The following PACRGL variants were observed in gnomAD, a reference collection of about 807,000 sequenced individuals.
PACRGL encodes the protein PACRG-like protein.
In PACRGL, 38 loss-of-function variants were observed where a neutral mutation model predicts 34.5. The observed-to-expected ratio is 1.10, with a 90% confidence interval of 0.85 to 1.44. The LOEUF (loss-of-function observed/expected upper bound fraction) is 1.44. PACRGL is among the 40% of genes most tolerant of loss of function. PACRGL has a pLI of 0.00. For synonymous variants in PACRGL, 128 were observed against 100.1 expected, an observed-to-expected ratio of 1.28 and a Z score of -1.66; for missense variants, 305 against 281.4, an observed-to-expected ratio of 1.08 and a Z score of -0.60.
chr4:20,701,597 A>G (rs1732186021), intron 1 of PACRGL: 3 of 284,080 alleles, frequency 1.1e-5, no homozygotes, highest in African/African-American at 4.4e-5. Context: ...AAGGGTTACC[A>G]AGGATAAGAT....
intron 8 of PACRGL, among the ~76,000 whole-genome samples, chr4:20,748,253 TTGA>T (rs1421033909): frequency 6.6e-6 from 1 of 152,114 alleles, no homozygotes; most frequent in Non-Finnish European, 1.5e-5. Flanking sequence ...TTCTATCTTC[TTGA>T]TGATTTACAC....
intron 7 of PACRGL, among the ~76,000 whole-genome samples, chr4:20,715,411 C>T (rs1252058331): frequency 2.0e-5 from 3 of 151,784 alleles, no homozygotes. Context: ...TACCCTAAAA[C>T]TTAAAGTATA....
intron 8 of PACRGL, among the ~76,000 whole-genome samples, chr4:20,743,680 TAGGCAATACCATTC>T (rs1751720212): frequency 6.6e-6 from 1 of 152,086 alleles, no homozygotes; most frequent in South Asian, 2.1e-4. Context: ...GAAGAAAACC[TAGGCAATACCATTC>T]AGGACATAGG....
rs1737964084 is a variant in PACRGL, at chr4:20,712,851, T to C, written c.430T>C (p.Leu144=). 2.5e-6 allele frequency: 4 copies of C among 1,605,354 alleles called. No individual in the cohort carries two copies. Among genetic ancestry groups the C allele is most frequent in the African/African-American group, 2.7e-5 (2 of 74,796 alleles). Residue 144 remains leucine (L), a synonymous_variant, in exon 6 of 9, where the codon TTG becomes CTG. Transcript: ENST00000503585. ...VSKEGFRELL[L]VKGAPEKAIP... is the part of the protein sequence containing the mutation. ...AAAGGAGGGTTTTAGAGAATTACTT[T>C]TGGTCAAAGGTGCTCCTGAAAAAGC...
intron 3 of PACRGL, among the ~76,000 whole-genome samples, chr4:20,707,365 C>T (rs533537901): frequency 1.2e-4 from 18 of 152,284 alleles, no homozygotes; most frequent in South Asian, 4.1e-4. Flanking sequence ...TCCTGCCCAG[C>T]GCAATCCTTT....
In PACRGL at chr4:20,712,939, A is replaced by G; in HGVS notation, c.501+17A>G. ...GCAGCTCTGGTATGTCATTTATTTC[A>G]TTGTACTTTATATTTGAAAACATGA... On this transcript the variant is annotated intron_variant, in intron 6 of 8. Transcript: ENST00000503585. 1 of 1,500,874 alleles carries G rather than the reference A, an allele frequency of 6.7e-7. No homozygotes were observed. Among genetic ancestry groups the G allele is most frequent in the South Asian group, 1.4e-5 (1 of 73,274 alleles). The allele number at this position is 1,500,874 out of a possible 1,614,324, so 93.0% of individuals were successfully genotyped here.
intron 8 of PACRGL, among the ~76,000 whole-genome samples, chr4:20,726,086 C>T (rs971450609): frequency 2.0e-5 from 3 of 152,026 alleles, no homozygotes; most frequent in African/African-American, 7.2e-5. Flanking sequence ...GGTGATTTTC[C>T]ATATCCTGTG....
chr4:20,720,570 G>T (rs557241496), intron 7 of PACRGL, among the ~76,000 whole-genome samples: 3 of 152,060 alleles, frequency 2.0e-5, no homozygotes, highest in South Asian at 2.1e-4. Context: ...GATTTTATTT[G>T]TCCTTCGCTT....
At chr4:20,762,501 G>T in the PACRGL span, among the ~76,000 whole-genome samples, 71 of 152,306 alleles carry the variant, frequency 4.7e-4, no homozygotes, top group African/African-American at 1.6e-3. Context: ...GTGAGAAAAA[G>T]ATGCTAGTGA....
the PACRGL span, among the ~76,000 whole-genome samples, chr4:20,764,619 C>T: frequency 5.9e-4 from 89 of 151,554 alleles, 1 homozygote; most frequent in East Asian, 0.014. Context: ...GTGCTGCCAC[C>T]GCAGCTTTAT....
In PACRGL at chr4:20,704,505, A is replaced by G. The variant is rs1225372504; in HGVS notation, c.24A>G (p.Gly8=). The change falls in exon 2 of 9, where the codon GGA becomes GGG. Residue 8 remains glycine (G), a synonymous_variant. Transcript: ENST00000503585. ...CAATGCAGAAATCAGAGGGCTCTGGAGGTACACAGTTGAAAAACAGAGCAA... is the reference window on the plus strand; with the variant it reads ...CAATGCAGAAATCAGAGGGCTCTGGGGGTACACAGTTGAAAAACAGAGCAA... MQKSEGS[G]GTQLKNRATG... The G allele has an allele frequency of 1.4e-5, 22 of 1,613,818 alleles. No individual in the cohort carries two copies. Among genetic ancestry groups the G allele is most frequent in the Non-Finnish European group, 1.8e-5 (21 of 1,179,958 alleles).
the PACRGL span, among the ~76,000 whole-genome samples, chr4:20,764,707 C>CACA: frequency 6.6e-6 from 1 of 151,312 alleles, no homozygotes; most frequent in Non-Finnish European, 1.5e-5. Context: ...CACACACACA[C>CACA]AACCCCATGA....
downstream of PACRGL, chr4:20,734,643 G>C (rs752317060): frequency 1.3e-6 from 2 of 1,535,768 alleles, no homozygotes; most frequent in Non-Finnish European, 8.9e-7. Context: ...TAGTGATGTA[G>C]CCATCTTTAT....
At chr4:20,742,368 C>G (rs1352244881) in intron 8 of PACRGL, among the ~76,000 whole-genome samples, 1 of 152,112 alleles carries the variant, frequency 6.6e-6, no homozygotes, top group Non-Finnish European at 1.5e-5. Flanking sequence ...GCTTATCCAC[C>G]ACTATCATTT....
the PACRGL span, among the ~76,000 whole-genome samples, chr4:20,765,108 A>T: frequency 6.6e-6 from 1 of 152,194 alleles, no homozygotes; most frequent in East Asian, 1.9e-4. Flanking sequence ...AAGTGTCAGC[A>T]AATAGTTCAT....
chr4:20,759,914 C>T, the PACRGL span, among the ~76,000 whole-genome samples: 342 of 152,220 alleles, frequency 2.2e-3, 7 homozygotes, highest in South Asian at 0.044. Flanking sequence ...AGGACCACCG[C>T]GGATACCAAA....
At chr4:20,702,371 C>G (rs1417910779) in intron 1 of PACRGL, 1 of 354,816 alleles carries the variant, frequency 2.8e-6, no homozygotes. Flanking sequence ...CTCAGCTGGT[C>G]TTCAAATTGA....
chr4:20,716,868 C>G (rs769959738), intron 7 of PACRGL, among the ~76,000 whole-genome samples: 1 of 152,206 alleles, frequency 6.6e-6, no homozygotes, highest in Non-Finnish European at 1.5e-5. Context: ...ATGGCTGGGT[C>G]AAATGGTATT....
intron 8 of PACRGL, among the ~76,000 whole-genome samples, chr4:20,744,533 C>G (rs533476144): frequency 4.0e-5 from 6 of 151,882 alleles, no homozygotes; most frequent in Non-Finnish European, 5.9e-5. Context: ...AACCAAACAC[C>G]GCATGTTCTC....
Sources: gnomAD v4.1 joint callset for allele counts (sites outside exome capture counted in the v4.1 genomes callset) on GRCh38, gnomAD v4.1.1 for gene constraint, MANE v1.5 for transcripts, NCBI Gene and HGNC (gene_info 2026-07-23, HGNC 2026-07-21) for gene names.